Variants in DOT1L observed in about 807,000 individuals in gnomAD.
DOT1L encodes DOT1 like histone lysine methyltransferase, also known as histone-lysine N-methyltransferase, H3 lysine-79 specific.
DOT1L carries 33 observed loss-of-function variants against 153.3 expected under a neutral mutation model. That is an observed-to-expected ratio of 0.22 (90% CI 0.16 to 0.29). The LOEUF is 0.29. Ranked by LOEUF, DOT1L falls within the 10% of genes least tolerant of loss-of-function variation. The pLI is 1.00. For synonymous variants in DOT1L, 1,135 were observed against 965.1 expected (o/e 1.18, Z -3.26); for missense variants, 1,847 against 2,119.9 (o/e 0.87, Z 2.53).
intron 19 of DOT1L, 114 bp downstream of exon 19, chr19:2,214,710 AGGAGGACAGTTGGGT>A (rs2023836877): frequency 2.8e-6 from 4 of 1,451,542 alleles, no homozygotes; most frequent in Non-Finnish European, 3.7e-6. Context: ...AAGAAGGTGG[AGGAGGACAGTTGGGT>A]GGAGGCTTAT....
chr19:2,167,791 A>AG (rs1039086582), intron 1 of DOT1L, among the ~76,000 whole-genome samples: 4 of 143,712 alleles, frequency 2.8e-5, no homozygotes, highest in Non-Finnish European at 6.0e-5. Flanking sequence ...GCTGGAGTGC[A>AG]GTGGCACAAT....
At chr19:2,166,505 G>C (rs1416384049) in intron 1 of DOT1L, among the ~76,000 whole-genome samples, 1 of 136,932 alleles carries the variant, frequency 7.3e-6, no homozygotes, top group African/African-American at 2.4e-5. Flanking sequence ...TCTGCCTCCC[G>C]GGTTCAAGCG....
chr19:2,175,004 ATTTT>A lies in DOT1L; in HGVS notation c.82-5699_82-5696del, dbSNP rs201460295. ...TGTGTGTGTGTGTGTGTATATATAT[ATTTT>A]TTTTTTTTTAGATGGAGTCTTGCTC... On this transcript the variant is annotated intron_variant, in intron 1 of 27. Coordinates refer to ENST00000398665, the MANE Select transcript of DOT1L (RefSeq NM_032482.3). Among the ~76,000 whole-genome samples, 21 of 107,202 alleles carry A rather than the reference ATTTT, an allele frequency of 2.0e-4. No individual in the cohort carries two copies. In the South Asian group the frequency reaches 3.4e-3, roughly 17 times the overall value. The allele number at this position is 107,202 out of a possible 152,430, so 70.3% of individuals were successfully genotyped here.
chr19:2,171,570 C>T (rs1306579895), intron 1 of DOT1L, among the ~76,000 whole-genome samples: 1 of 152,318 alleles, frequency 6.6e-6, no homozygotes, highest in Admixed American at 6.5e-5. Flanking sequence ...GGCCAGGAGA[C>T]GCCAAGAGCT....
chr19:2,209,067 A>C (rs2023612890), intron 12 of DOT1L, 91 bp downstream of exon 12: 4 of 1,449,822 alleles, frequency 2.8e-6, no homozygotes, highest in Non-Finnish European at 3.8e-6. Context: ...TTCAGGAGCC[A>C]CGACTGGAGC....
chr19:2,201,085 T>G (rs1457943761), intron 8 of DOT1L, among the ~76,000 whole-genome samples: 5 of 74,992 alleles, frequency 6.7e-5, no homozygotes, highest in Admixed American at 1.5e-4. Flanking sequence ...CGTCGTCCCC[T>G]CATTCCTCGT....
intron 25 of DOT1L, among the ~76,000 whole-genome samples, chr19:2,224,482 C>G (rs62119662): frequency 3.5e-5 from 5 of 141,700 alleles, no homozygotes; most frequent in Admixed American, 1.4e-4. Context: ...TTTTTTTTTC[C>G]TGAGACACAG....
Position 2,188,480 on chromosome 19 carries a change from G to GCCCCCCCCCCCCCCC in DOT1L, c.201-1238_201-1237insCCCCCCCCCCCCCCC, listed in dbSNP as rs375314788. Among the ~76,000 whole-genome samples the GCCCCCCCCCCCCCCC allele has an allele frequency of 6.1e-4, 41 of 66,998 alleles. 6 individuals are homozygous for GCCCCCCCCCCCCCCC. Among genetic ancestry groups the GCCCCCCCCCCCCCCC allele is most frequent in the African/African-American group, 1.3e-3 (18 of 14,054 alleles). 44.0% of individuals were successfully genotyped at this position (66,998 alleles called of 152,430 possible). ...GCGGAGGAAAGAGTCCCCAGCCGCC[G>GCCCCCCCCCCCCCCC]CCCCCCCCCCCCCCACCCGCACAGG... On this transcript the variant is annotated intron_variant, in intron 3 of 27. Transcript: ENST00000398665.
chr19:2,185,337 G>GT (rs1386763784), intron 2 of DOT1L, among the ~76,000 whole-genome samples: 1 of 152,236 alleles, frequency 6.6e-6, no homozygotes, highest in Non-Finnish European at 1.5e-5. Context: ...TCGAAGCCAC[G>GT]TAATACCTGT....
At chr19:2,211,027 C>G in intron 14 of DOT1L, 72 bp from the exon 15 acceptor site, 1 of 1,507,136 alleles carries the variant, frequency 6.6e-7, no homozygotes, top group Non-Finnish European at 9.1e-7. Context: ...TGGGCACCTG[C>G]CCCATGCTGA....
intron 8 of DOT1L, among the ~76,000 whole-genome samples, chr19:2,200,444 G>A (rs977591430): frequency 1.3e-5 from 2 of 152,190 alleles, no homozygotes; most frequent in African/African-American, 4.8e-5. Flanking sequence ...GTCCAGGTCC[G>A]TCCCCACCGC....
At chr19:2,214,725 T>G (rs1222142730) in intron 19 of DOT1L, 129 bp downstream of exon 19, 21 of 1,355,674 alleles carry the variant, frequency 1.5e-5, no homozygotes, top group Non-Finnish European at 2.1e-5. Flanking sequence ...GACAGTTGGG[T>G]GGAGGCTTAT....
At position 2,224,323 on chromosome 19, in the gene DOT1L, C is replaced by T. The variant is rs571858945; in HGVS notation, c.3596+837C>T. Among the ~76,000 whole-genome samples, 6 of 152,328 alleles carry T rather than the reference C, an allele frequency of 3.9e-5. No homozygotes were observed. The South Asian group carries it at 8.3e-4, about 21-fold the overall frequency. ...CCGGCCCCCTGGGCTCTCCAGCAGCCACACCATTCCACCCTGCCACCATGG... is the reference window on the plus strand; with the variant it reads ...CCGGCCCCCTGGGCTCTCCAGCAGCTACACCATTCCACCCTGCCACCATGG... On this transcript the variant is annotated intron_variant, in intron 25 of 27. Transcript: ENST00000398665.
chr19:2,213,968 C>T lies in DOT1L; in HGVS notation c.1779C>T (p.Arg593=), dbSNP rs752177444. The change falls in exon 18 of 28, where the codon CGC becomes CGT. Residue 593 remains arginine, a synonymous_variant. Coordinates refer to ENST00000398665, the MANE Select transcript of DOT1L (RefSeq NM_032482.3). ...TGGAGCAGGACAACCGCGCGCTCCG[C>T]GGCCAGAGCTTGCAGCTGGTGGGTG... ...EQLEQDNRAL[R]GQSLQLLKAR... The T allele has an allele frequency of 6.8e-6, 11 of 1,612,574 alleles. No homozygotes were observed. Among genetic ancestry groups the T allele is most frequent in the Admixed American group, 6.7e-5 (4 of 59,992 alleles).
rs139549782 is a variant in DOT1L, at chr19:2,201,277, C to T, written c.707+1338C>T. ...CCTCGTCCTCCCCGCATTCCTCGTC[C>T]TCCCCATGCCCGTCATCCTCCCTGT... On this transcript the variant is annotated intron_variant, in intron 8 of 27. Transcript: ENST00000398665. Among the ~76,000 whole-genome samples, 141 of 151,794 alleles carry T rather than the reference C, an allele frequency of 9.3e-4. 4 individuals carry two copies. In the East Asian group the frequency reaches 0.026, roughly 28 times the overall value.
At chr19:2,206,417 G>C (rs2023495688) in intron 9 of DOT1L, among the ~76,000 whole-genome samples, 1 of 151,846 alleles carries the variant, frequency 6.6e-6, no homozygotes. Flanking sequence ...AATTAGCCAG[G>C]TGTGGTGGTG....
Position 2,226,687 on chromosome 19 carries a change from C to T in DOT1L, c.4166C>T (p.Ala1389Val), listed in dbSNP as rs373850766. ...GGCGAGGGCAGCCGCGGCAAGGAGG[C>T]AGGGGAGGGCGGCCTACCGCTGTGC... The part of the protein sequence containing the change: ...LKGEGSRGKE[A>V]GEGGLPLCGP... The change falls in exon 27 of 28, where the codon GCA becomes GTA. Residue 1389 changes from alanine (A) to valine (V), a missense_variant. By Grantham distance (64) the Ala-to-Val change is moderately conservative. This residue lies in a region of DOT1L where 934 missense variants were observed against 825.3 expected (regional missense o/e 1.13). Transcript: ENST00000398665. The T allele has an allele frequency of 1.9e-6, 3 of 1,573,188 alleles. No individual in the cohort carries two copies. Among genetic ancestry groups the T allele is most frequent in the Non-Finnish European group, 1.7e-6 (2 of 1,164,128 alleles).
rs778173976 is a variant in DOT1L at position 2,194,614 on chromosome 19, G to T, written c.651+37G>T. 8.1e-6 allele frequency: 13 copies of T among 1,601,696 alleles called. No individual in the cohort carries two copies. The East Asian group carries it at 2.9e-4, about 36-fold the overall frequency. ...CGCTCCGCCCCGGCTCCCATCGCCG[G>T]CCCCACCCCCGCTCCCACCCTCCTG... On this transcript the variant is annotated intron_variant, in intron 7 of 27. Transcript: ENST00000398665.
chr19:2,220,970 G>T lies in DOT1L; in HGVS notation c.2806+748G>T, dbSNP rs542065252. ...GTGGGCGGATCACCTGAGGACAGGA[G>T]TTTGAGACCAGCCTGGCCAACATGG... is the stretch of plus-strand genomic sequence containing the variant. On this transcript the variant is annotated intron_variant, in intron 23 of 27. Transcript: ENST00000398665. This position sits in a 1 kb window ranked among gnomAD's most constrained non-coding sequence, Gnocchi z 4.5. 81 of 193,064 alleles carry T rather than the reference G, an allele frequency of 4.2e-4. No homozygotes were observed. The highest frequency in any genetic ancestry group is 1.8e-3 in the African/African-American group (77 of 42,400). The allele number at this position is 193,064 out of a possible 1,614,324, so 12.0% of individuals were successfully genotyped here.
Sources: gnomAD v4.1 joint callset for allele counts (sites outside exome capture counted in the v4.1 genomes callset) on GRCh38, gnomAD v4.1.1 for gene constraint, gnomAD v4.1.1 regional missense constraint, Gnocchi (gnomAD v3.1) non-coding constraint, MANE v1.5 for transcripts, NCBI Gene and HGNC (gene_info 2026-07-23, HGNC 2026-07-21) for gene names.